Variants in ATP7B observed in about 807,000 individuals in gnomAD.
ATP7B encodes the protein copper-transporting ATPase 2.
A neutral mutation model predicts 118.9 loss-of-function variants in ATP7B; 113 were observed. The observed-to-expected ratio is 0.95, with a 90% CI of 0.82 to 1.11. ATP7B has a LOEUF of 1.11. Ranked by LOEUF, ATP7B falls within the 50% of genes most tolerant of loss-of-function variation. The pLI is 0.00. For missense variants in ATP7B, 1,867 were observed against 1,871.4 expected, an observed-to-expected ratio of 1.00 and a Z score of 0.04; for synonymous variants, 777 against 727.4, an observed-to-expected ratio of 1.07 and a Z score of -1.10.
chr13:51,963,736 C>CAAA (rs933334832), intron 5 of ATP7B, among the ~76,000 whole-genome samples: 24 of 41,094 alleles, frequency 5.8e-4, no homozygotes, highest in East Asian at 6.8e-4. Context: ...GACCACGTCT[C>CAAA]AAAAAAAAAA....
rs1299450746 is a variant in ATP7B, at chr13:51,968,534, G to T, written c.1617C>A (p.Pro539=). Residue 539 remains proline, a synonymous_variant, in exon 4 of 21, where the codon CCC becomes CCA. Transcript: ENST00000242839. Reference sequence around the variant, plus strand: ...CCTGGATGAACTGAGCTATCTCGAGGGGCTGGATGACCTCTGGGTCATACT... The same window carrying T: ...CCTGGATGAACTGAGCTATCTCGAGTGGCTGGATGACCTCTGGGTCATACT... ...EIKYDPEVIQ[P]LEIAQFIQDL... 1 of 1,614,100 alleles carries T rather than the reference G, an allele frequency of 6.2e-7. No homozygotes were observed. The highest frequency in any genetic ancestry group is 1.7e-5 in the Admixed American group (1 of 60,008).
At position 51,961,913 on chromosome 13, in the gene ATP7B, C is replaced by T. The variant is rs1958772197; in HGVS notation, c.1870G>A (p.Glu624Lys). ...GCCAGGGAAGCATGAAAGCCAATTT[C>T]CTTGTCATTAAAAAGAGAGGGGTGG... Reference protein sequence around the residue: ...GPRDIIKIIEEIGFHASLAQR... With the variant: ...GPRDIIKIIEKIGFHASLAQR... Residue 624 changes from glutamate to lysine, a missense_variant and splice_region_variant, in exon 6 of 21, where the codon GAA becomes AAA. Coordinates refer to ENST00000242839, the MANE Select transcript of ATP7B (RefSeq NM_000053.4). 6.2e-7 allele frequency: 1 copy of T among 1,613,142 alleles called. No individual in the cohort carries two copies. The highest frequency in any genetic ancestry group is 8.5e-7 in the Non-Finnish European group (1 of 1,179,300).
intron 8 of ATP7B, chr13:51,957,888 C>T: frequency 2.0e-6 from 1 of 490,998 alleles, no homozygotes; most frequent in Non-Finnish European, 3.7e-6. Flanking sequence ...CTTTTAGGTT[C>T]AATCTAATTT....
rs765422614 is a variant in ATP7B, at chr13:51,934,551, G to C, written c.*205C>G. Reference sequence around the variant, plus strand: ...CATGCTGACGGTCCCGTGAGGCCAAGAGGCAGGCAGGGCCGTCCTCTCCAG... The same window carrying C: ...CATGCTGACGGTCCCGTGAGGCCAACAGGCAGGCAGGGCCGTCCTCTCCAG... On this transcript the variant is annotated 3_prime_UTR_variant, in exon 21 of 21. Transcript: ENST00000242839. The C allele has an allele frequency of 1.3e-6, 1 of 751,352 alleles. No homozygotes were observed. Among genetic ancestry groups the C allele is most frequent in the Admixed American group, 2.4e-5 (1 of 42,052 alleles). 46.5% of individuals were successfully genotyped at this position (751,352 alleles called of 1,614,324 possible).
Position 51,964,851 on chromosome 13 carries a change from ATTT to A in ATP7B, c.1869+18_1869+20del, listed in dbSNP as rs758773114. On this transcript the variant is annotated intron_variant, in intron 5 of 20. Coordinates refer to ENST00000242839, the MANE Select transcript of ATP7B (RefSeq NM_000053.4). ...TACTGTTTTTAAAAAGGTGACTACA[ATTT>A]TTTAATGAATTACTTACCTCAATAA... The A allele has an allele frequency of 1.2e-5, 19 of 1,611,154 alleles. No individual in the cohort carries two copies. The African/African-American group carries it at 2.5e-4, about 22-fold the overall frequency.
chr13:51,966,947 T>C (rs1037560489), intron 4 of ATP7B: 26 of 1,613,406 alleles, frequency 1.6e-5, no homozygotes, highest in Non-Finnish European at 2.2e-5. Flanking sequence ...TCTTGTACCC[T>C]GGGAGATGAG....
chr13:51,950,541 T>A (rs1226998261), intron 9 of ATP7B, 142 bp from the exon 10 acceptor site: 2 of 1,305,950 alleles, frequency 1.5e-6, no homozygotes, highest in African/African-American at 2.9e-5. Flanking sequence ...TACAGATATT[T>A]ATCGTGCAGC....
At chr13:51,971,032 C>T (rs540737195) in intron 2 of ATP7B, among the ~76,000 whole-genome samples, 12 of 152,314 alleles carry the variant, frequency 7.9e-5, no homozygotes, top group African/African-American at 9.6e-5. Context: ...TGAGCTACCC[C>T]GTAACTTCAC....
At chr13:51,950,796 C>A (rs1032586718) in intron 9 of ATP7B, among the ~76,000 whole-genome samples, 1 of 152,088 alleles carries the variant, frequency 6.6e-6, no homozygotes, top group Non-Finnish European at 1.5e-5. Context: ...AACATTTAAG[C>A]TGAGACCTGC....
chr13:51,972,423 G>A (rs1375862118), intron 2 of ATP7B, among the ~76,000 whole-genome samples: 2 of 146,740 alleles, frequency 1.4e-5, no homozygotes, highest in African/African-American at 2.5e-5. Context: ...CTGCATTTCC[G>A]GCCCCACACT....
chr13:51,947,655 T>G (rs1377942364), intron 12 of ATP7B, among the ~76,000 whole-genome samples: 1 of 152,188 alleles, frequency 6.6e-6, no homozygotes, highest in Non-Finnish European at 1.5e-5. Flanking sequence ...ACAGTTATAT[T>G]TAGGTAGAGG....
At position 52,011,310 on chromosome 13, in the gene ATP7B, C is replaced by CTG; in HGVS notation, c.26_27dup (p.Ala10GlnfsTer25). On this transcript the variant is annotated frameshift_variant, in exon 1 of 21. Coordinates refer to ENST00000242839, the MANE Select transcript of ATP7B (RefSeq NM_000053.4). LOFTEE classifies it high-confidence loss of function. ...ACTTTCCGACTGGCCCCTTCTCTGG[C>CTG]TGTGATCTGTCTCTCCTGCTCAGGC... is the stretch of plus-strand genomic sequence containing the variant. The CTG allele has an allele frequency of 6.2e-7, 1 of 1,614,236 alleles. No homozygotes were observed. Among genetic ancestry groups the CTG allele is most frequent in the Non-Finnish European group, 8.5e-7 (1 of 1,180,018 alleles).
intron 7 of ATP7B, 163 bp downstream of exon 7, chr13:51,959,985 T>G: frequency 6.1e-6 from 6 of 986,694 alleles, no homozygotes; most frequent in Non-Finnish European, 9.2e-6. Context: ...CTACTGGTCA[T>G]TAAGAGAGAA....
chr13:51,934,560 A>T lies in ATP7B; in HGVS notation c.*196T>A, dbSNP rs924640144. 3 of 811,290 alleles carry T rather than the reference A, an allele frequency of 3.7e-6. No individual in the cohort carries two copies. The African/African-American group carries it at 5.1e-5, about 14-fold the overall frequency. The allele number at this position is 811,290 out of a possible 1,614,324, so 50.3% of individuals were successfully genotyped here. A position where few individuals can be genotyped will look rare whatever the true frequency, so the allele number is the denominator to read the frequency against. ...GGTCCCGTGAGGCCAAGAGGCAGGC[A>T]GGGCCGTCCTCTCCAGGCCAAGCCC... is the stretch of plus-strand genomic sequence containing the variant. On this transcript the variant is annotated 3_prime_UTR_variant, in exon 21 of 21. Transcript: ENST00000242839.
chr13:51,980,231 A>T (rs1423673781), intron 1 of ATP7B, among the ~76,000 whole-genome samples: 1 of 152,238 alleles, frequency 6.6e-6, no homozygotes, highest in Non-Finnish European at 1.5e-5. Context: ...TAGTTTATCT[A>T]ATTCCCACTA....
At chr13:51,944,331 T>C (rs1157775729) in intron 13 of ATP7B, 40 bp from the exon 14 acceptor site, 8 of 1,611,512 alleles carry the variant, frequency 5.0e-6, no homozygotes, top group Non-Finnish European at 5.9e-6. Flanking sequence ...ACAATACAGA[T>C]GGAGGGGCTT....
At chr13:51,936,868 T>C (rs575903612) in intron 19 of ATP7B, among the ~76,000 whole-genome samples, 3 of 152,198 alleles carry the variant, frequency 2.0e-5, no homozygotes, top group African/African-American at 4.8e-5. Context: ...TAACTCAGAG[T>C]GAAACTTGGG....
At chr13:51,992,979 C>CA (rs58319382) in intron 1 of ATP7B, among the ~76,000 whole-genome samples, 1,199 of 62,704 alleles carry the variant, frequency 0.019, 93 homozygotes, top group African/African-American at 0.055. Flanking sequence ...GACTCTGTCT[C>CA]AAAAAAAAAA....
chr13:51,981,722 A>C (rs1350939389), intron 1 of ATP7B, among the ~76,000 whole-genome samples: 1 of 152,198 alleles, frequency 6.6e-6, no homozygotes, highest in Non-Finnish European at 1.5e-5. Context: ...ATACAGGGGG[A>C]TAAACGTAAA....
Sources: allele counts gnomAD v4.1 joint callset (sites outside exome capture counted in the v4.1 genomes callset), GRCh38; gene constraint gnomAD v4.1.1; transcripts MANE v1.5; gene names NCBI Gene and HGNC (gene_info 2026-07-23, HGNC 2026-07-21).